NAALADL2: variants seen among roughly 807,000 people sequenced by gnomAD.
NAALADL2 encodes the protein N-acetylated alpha-linked acidic dipeptidase like 2.
A neutral mutation model predicts 87.2 loss-of-function variants in NAALADL2; 76 were observed. The observed-to-expected ratio is 0.87, with a 90% CI of 0.72 to 1.05. The LOEUF is 1.05. Among genes scored for constraint, NAALADL2 ranks in the 50% least tolerant of loss-of-function variants. The pLI, the probability that NAALADL2 is intolerant of heterozygous loss-of-function variation, is 0.00. For missense variants in NAALADL2, 1,089 were observed against 945.8 expected (o/e 1.15, Z -1.99); for synonymous variants, 354 against 331.0 (o/e 1.07, Z -0.75).
chr3:175,137,769 TG>T (rs200997853), intron 2 of NAALADL2, among the ~76,000 whole-genome samples: 9 of 92,854 alleles, frequency 9.7e-5, no homozygotes, highest in African/African-American at 2.3e-4. Flanking sequence ...CAGCTAAGTT[TG>T]TTTTGTTTTG....
chr3:175,324,056 G>GAA (rs1760357538), intron 4 of NAALADL2, 119 bp from the exon 5 acceptor site: 3 of 640,092 alleles, frequency 4.7e-6, no homozygotes, highest in East Asian at 3.1e-5. Flanking sequence ...AAAAGAAAAA[G>GAA]AAAAAGAAAA....
intron 2 of NAALADL2, among the ~76,000 whole-genome samples, chr3:175,189,663 G>A (rs1580849698): frequency 6.6e-6 from 1 of 152,118 alleles, no homozygotes; most frequent in East Asian, 1.9e-4. Flanking sequence ...CACAGATTCA[G>A]TGCAATTCCT....
intron 1 of NAALADL2, among the ~76,000 whole-genome samples, chr3:174,903,083 T>C (rs754324964): frequency 2.4e-4 from 37 of 152,076 alleles, no homozygotes; most frequent in Non-Finnish European, 2.6e-4. Context: ...AAATAGCCAC[T>C]ATATTCATAA....
intron 10 of NAALADL2, among the ~76,000 whole-genome samples, chr3:175,600,044 A>G (rs115273107): frequency 0.011 from 1,732 of 152,140 alleles, 32 homozygotes; most frequent in African/African-American, 0.038. Context: ...GATTTTGAAC[A>G]TGGAAATCAA....
chr3:175,476,993 T>G (rs1725785120), intron 9 of NAALADL2, among the ~76,000 whole-genome samples: 2 of 152,110 alleles, frequency 1.3e-5, no homozygotes, highest in African/African-American at 4.8e-5. Context: ...GATAAGTCAA[T>G]AGATATTCCC....
intron 11 of NAALADL2, among the ~76,000 whole-genome samples, chr3:175,700,559 T>C (rs972354741): frequency 3.9e-5 from 6 of 152,160 alleles, no homozygotes; most frequent in African/African-American, 7.2e-5. Flanking sequence ...ATTTGCAATA[T>C]ATATGACATT....
rs201516571 is a variant in NAALADL2, at chr3:175,215,548, T to TTGCACACC, written c.546-18381_546-18374dup. Among the ~76,000 whole-genome samples, 1,402 of 152,252 alleles carry TTGCACACC rather than the reference T, an allele frequency of 9.2e-3. 4 individuals are homozygous for TTGCACACC. Among genetic ancestry groups the TTGCACACC allele is most frequent in the Middle Eastern group, 0.017 (5 of 294 alleles). ...GTGTTAAGTGTCTCATCAGCAGACT[T>TTGCACACC]TGCACACCTTTCAGACCACTTCTAT... On this transcript the variant is annotated intron_variant, in intron 2 of 13. Transcript: ENST00000454872.
At chr3:175,248,953 T>C (rs1040902103) in intron 3 of NAALADL2, among the ~76,000 whole-genome samples, 8 of 151,982 alleles carry the variant, frequency 5.3e-5, no homozygotes, top group African/African-American at 1.7e-4. Flanking sequence ...TCAAACAGAA[T>C]TATATAGTTC....
At chr3:174,736,783 A>G (rs1437527761) in intron 2 of NAALADL2, among the ~76,000 whole-genome samples, 1 of 151,814 alleles carries the variant, frequency 6.6e-6, no homozygotes, top group East Asian at 1.9e-4. Context: ...GTCTCTTTCC[A>G]CCTAGGAGCC....
At chr3:175,320,263 A>C (rs1759676090) in intron 4 of NAALADL2, among the ~76,000 whole-genome samples, 1 of 152,368 alleles carries the variant, frequency 6.6e-6, no homozygotes, top group South Asian at 2.1e-4. Flanking sequence ...GTTAAAATAA[A>C]AAGAAACTTA....
At chr3:175,720,845 AATAAAG>A (rs1561033265) in intron 11 of NAALADL2, among the ~76,000 whole-genome samples, 1 of 152,128 alleles carries the variant, frequency 6.6e-6, no homozygotes. Flanking sequence ...GTGAGAAAGA[AATAAAG>A]ATATTTTAGA....
At chr3:175,062,575 G>A (rs1022173546) in intron 1 of NAALADL2, among the ~76,000 whole-genome samples, 8 of 151,438 alleles carry the variant, frequency 5.3e-5, no homozygotes, top group Non-Finnish European at 5.9e-5. Context: ...TTCCAAAGTG[G>A]TGGTTGGGAA....
rs1279843287 is a variant in NAALADL2 at position 175,771,658 on chromosome 3, ATC to A, written c.2189+16245_2189+16246del. Among the ~76,000 whole-genome samples the A allele has an allele frequency of 5.3e-5, 8 of 152,094 alleles. No homozygotes were observed. The South Asian group carries it at 1.7e-3, about 32-fold the overall frequency. The stretch of plus-strand genomic sequence containing the variant: ...CTTCTCGTCTTTGTGTATCTGTTTA[ATC>A]TCTCCCCATCTCTCTTTTACAAGGA... On this transcript the variant is annotated intron_variant, in intron 13 of 13. Coordinates refer to ENST00000454872, the MANE Select transcript of NAALADL2 (RefSeq NM_207015.3).
At chr3:175,421,594 A>G (rs1191213784) in intron 5 of NAALADL2, among the ~76,000 whole-genome samples, 2 of 152,126 alleles carry the variant, frequency 1.3e-5, no homozygotes, top group Admixed American at 1.3e-4. Context: ...AGGAGTACAC[A>G]GAAGGGCAAA....
At chr3:174,454,613 A>T (rs141045453) in intron 1 of NAALADL2, among the ~76,000 whole-genome samples, 26 of 152,330 alleles carry the variant, frequency 1.7e-4, no homozygotes, top group African/African-American at 5.8e-4. Flanking sequence ...TTACATGGAA[A>T]TTGAATAACC....
chr3:174,797,305 CTTTTTT>C (rs1160338109), intron 3 of NAALADL2, among the ~76,000 whole-genome samples: 6 of 72,720 alleles, frequency 8.3e-5, no homozygotes, highest in East Asian at 4.7e-4. Context: ...TTTCTTTTTT[CTTTTTT>C]TTTTTTTTTT....
chr3:175,043,814 T>A (rs547455419), intron 1 of NAALADL2, among the ~76,000 whole-genome samples: 68 of 152,332 alleles, frequency 4.5e-4, no homozygotes, highest in Admixed American at 7.8e-4. Context: ...GAAGTGTTAC[T>A]GCCTCTAGAT....
intron 3 of NAALADL2, among the ~76,000 whole-genome samples, chr3:175,245,169 T>G (rs891725060): frequency 1.3e-5 from 2 of 152,152 alleles, no homozygotes; most frequent in African/African-American, 2.4e-5. Flanking sequence ...CTGTGTAATA[T>G]AAATAGCTAA....
chr3:174,642,507 T>TAA (rs10576356), intron 2 of NAALADL2, among the ~76,000 whole-genome samples: 4 of 122,538 alleles, frequency 3.3e-5, no homozygotes, highest in Admixed American at 8.0e-5. Flanking sequence ...TCTCTGGGGA[T>TAA]AAAAAAAAAA....
Sources: allele counts gnomAD v4.1 joint callset (sites outside exome capture counted in the v4.1 genomes callset), GRCh38; gene constraint gnomAD v4.1.1; transcripts MANE v1.5; gene names NCBI Gene and HGNC (gene_info 2026-07-23, HGNC 2026-07-21).